CAPRIN1: variants seen among roughly 807,000 people sequenced by gnomAD.
CAPRIN1 encodes the protein cell cycle associated protein 1, also known as caprin-1.
A neutral mutation model predicts 100.9 loss-of-function variants in CAPRIN1; 29 were observed. The ratio of observed to expected loss-of-function variants is 0.29; its 90% confidence interval spans 0.21 to 0.39. The LOEUF (loss-of-function observed/expected upper bound fraction) is 0.39, where lower values mean the gene tolerates loss of function less well. Among genes scored for constraint, CAPRIN1 ranks in the 10% least tolerant of loss-of-function variants. The probability of loss-of-function intolerance (pLI) is 1.00; values close to 1 mark genes in which losing one functional copy is unlikely to be tolerated. For missense variants in CAPRIN1, 795 were observed against 876.7 expected (o/e 0.91, Z 1.18); for synonymous variants, 338 against 307.5 (o/e 1.10, Z -1.04).
chr11:34,077,542 C>T (rs1238776407), intron 6 of CAPRIN1, among the ~76,000 whole-genome samples: 1 of 152,094 alleles, frequency 6.6e-6, no homozygotes, highest in Non-Finnish European at 1.5e-5. Flanking sequence ...CGTTTCACTC[C>T]TTCAGTATAG....
At chr11:34,052,360 TC>T (rs1325406242) in intron 1 of CAPRIN1, 60 bp from the exon 2 acceptor site, 46 of 1,383,738 alleles carry the variant, frequency 3.3e-5, no homozygotes, top group Non-Finnish European at 4.6e-5. Context: ...CCCGTCCGTC[TC>T]CTGACTGGCC....
Position 34,076,274 on chromosome 11 carries a change from G to C in CAPRIN1, c.405G>C (p.Gln135His). 1.9e-6 allele frequency: 3 copies of C among 1,614,208 alleles called. No homozygotes were observed. Among genetic ancestry groups the C allele is most frequent in the Non-Finnish European group, 2.5e-6 (3 of 1,180,020 alleles). The change falls in exon 5 of 19, where the codon CAG becomes CAC. Residue 135 changes from glutamine (Q) to histidine (H), a missense_variant. By Grantham distance (24) the Gln-to-His change is conservative. Coordinates refer to ENST00000341394, the MANE Select transcript of CAPRIN1 (RefSeq NM_005898.5). ...KTIKKTARRE[Q>H]LMREEAEQKR... ...TAAAGAAGACAGCACGTCGGGAGCA[G>C]CTTATGAGAGAAGAAGCTGAACAGA... is the stretch of plus-strand genomic sequence containing the variant.
intron 12 of CAPRIN1, 174 bp from the exon 13 acceptor site, chr11:34,090,005 T>C: frequency 2.5e-6 from 1 of 397,802 alleles, no homozygotes; most frequent in Non-Finnish European, 4.5e-6. Flanking sequence ...TATATATTTT[T>C]GCAATTTTTA....
chr11:34,057,575 C>T (rs1475330785), intron 2 of CAPRIN1, among the ~76,000 whole-genome samples: 1 of 152,108 alleles, frequency 6.6e-6, no homozygotes, highest in African/African-American at 2.4e-5. Flanking sequence ...AAGACTAGTA[C>T]TGTTTCATCT....
chr11:34,069,491 G>T (rs973683640), intron 2 of CAPRIN1, among the ~76,000 whole-genome samples: 5 of 151,954 alleles, frequency 3.3e-5, no homozygotes, highest in African/African-American at 1.2e-4. Context: ...TAAGCAAATA[G>T]AATTTTTTAT....
chr11:34,074,864 C>G (rs1850875979), intron 4 of CAPRIN1, among the ~76,000 whole-genome samples: 1 of 151,200 alleles, frequency 6.6e-6, no homozygotes. Context: ...GAGTGAGACT[C>G]CATCTCAAAA....
chr11:34,098,311 T>C, intron 18 of CAPRIN1: 1 of 984,794 alleles, frequency 1.0e-6, no homozygotes, highest in Non-Finnish European at 1.2e-6. Context: ...TTCTGACTTT[T>C]AAACAAAACT....
At chr11:34,093,790 ATTT>A (rs11291246) in intron 15 of CAPRIN1, among the ~76,000 whole-genome samples, 3 of 143,404 alleles carry the variant, frequency 2.1e-5, no homozygotes, top group Admixed American at 1.4e-4. Context: ...TGCCTGGCTA[ATTT>A]TTTTTTTTTT....
chr11:34,077,614 A>C (rs1850933240), intron 6 of CAPRIN1, among the ~76,000 whole-genome samples: 1 of 152,160 alleles, frequency 6.6e-6, no homozygotes, highest in African/African-American at 2.4e-5. Context: ...GCCATTTATA[A>C]GGTTGCATTA....
At chr11:34,057,663 A>G (rs1245877141) in intron 2 of CAPRIN1, among the ~76,000 whole-genome samples, 1 of 152,176 alleles carries the variant, frequency 6.6e-6, no homozygotes, top group Non-Finnish European at 1.5e-5. Context: ...AACTTATAGC[A>G]ATTTTGTCAT....
At chr11:34,083,091 AT>A in intron 9 of CAPRIN1, 50 bp downstream of exon 9, 1 of 1,225,242 alleles carries the variant, frequency 8.2e-7, no homozygotes. Flanking sequence ...TCAGTTAGTA[AT>A]TTTTATCTCT....
At chr11:34,054,337 T>C (rs1228353660) in intron 2 of CAPRIN1, among the ~76,000 whole-genome samples, 1 of 152,212 alleles carries the variant, frequency 6.6e-6, no homozygotes, top group African/African-American at 2.4e-5. Context: ...GTAAGGTAGC[T>C]ACATTCAAAT....
rs571404503 is a variant in CAPRIN1 at position 34,084,182 on chromosome 11, G to C, written c.966+1141G>C. Among the ~76,000 whole-genome samples, 4 of 151,670 alleles carry C rather than the reference G, an allele frequency of 2.6e-5. No individual in the cohort carries two copies. The South Asian group carries it at 8.3e-4, about 32-fold the overall frequency. On this transcript the variant is annotated intron_variant, in intron 9 of 18. Transcript: ENST00000341394. ...TTGGCCAGGCTCGTCTTGAATTCCT[G>C]ACCTCAAGTGATCTGCCCGTTTCAG...
Position 34,055,404 on chromosome 11 carries a change from C to G in CAPRIN1, c.216+2768C>G, listed in dbSNP as rs1329745688. Among the ~76,000 whole-genome samples, 3 of 152,316 alleles carry G rather than the reference C, an allele frequency of 2.0e-5. No individual in the cohort carries two copies. The East Asian group carries it at 5.8e-4, about 29-fold the overall frequency. ...ACGATGTGATCTCGGTTCACTGCAA[C>G]CTCCGCCTCCTGGGTTCAAGCGATT... On this transcript the variant is annotated intron_variant, in intron 2 of 18. Transcript: ENST00000341394.
intron 2 of CAPRIN1, among the ~76,000 whole-genome samples, chr11:34,069,907 TAAA>T (rs59107049): frequency 0.011 from 1,545 of 137,942 alleles, 29 homozygotes; most frequent in African/African-American, 0.033. Context: ...TCATTTGACC[TAAA>T]AAAAAAAAAA....
chr11:34,087,398 A>G (rs1045968184), intron 11 of CAPRIN1, among the ~76,000 whole-genome samples: 7 of 116,126 alleles, frequency 6.0e-5, no homozygotes, highest in Admixed American at 2.5e-4. Flanking sequence ...CAGTGGCGCA[A>G]TCTCGGCTCA....
intron 2 of CAPRIN1, among the ~76,000 whole-genome samples, chr11:34,062,105 A>G (rs1850592563): frequency 6.6e-6 from 1 of 152,216 alleles, no homozygotes; most frequent in East Asian, 1.9e-4. Context: ...TATGGATTGT[A>G]GTGTATGTTC....
chr11:34,092,978 AGTAGTTG>A (rs1248023296), intron 15 of CAPRIN1, among the ~76,000 whole-genome samples: 1 of 151,092 alleles, frequency 6.6e-6, no homozygotes, highest in Admixed American at 6.6e-5. Context: ...CAGCCTCCTG[AGTAGTTG>A]GTAGTTGGGA....
At position 34,057,183 on chromosome 11, in the gene CAPRIN1, G is replaced by A. The variant is rs190172859; in HGVS notation, c.216+4547G>A. On this transcript the variant is annotated intron_variant, in intron 2 of 18. Transcript: ENST00000341394. ...ACATTTAAGATCTCTTGATGTGTTT[G>A]CTTTTCCATGGGTTGCAAGAACTAT... Among the ~76,000 whole-genome samples the A allele has an allele frequency of 3.3e-4, 51 of 152,316 alleles. 1 individual carries two copies. Among genetic ancestry groups the A allele is most frequent in the Middle Eastern group, 6.8e-3 (2 of 294 alleles).
Sources: allele counts gnomAD v4.1 joint callset (sites outside exome capture counted in the v4.1 genomes callset), GRCh38; gene constraint gnomAD v4.1.1; transcripts MANE v1.5; gene names NCBI Gene and HGNC (gene_info 2026-07-23, HGNC 2026-07-21).